The following DOCK3 variants were observed in gnomAD, a reference collection of about 807,000 sequenced individuals.
DOCK3 encodes the protein dedicator of cytokinesis 3.
DOCK3 carries 60 observed loss-of-function variants against 265.6 expected under a neutral mutation model. The observed-to-expected ratio is 0.23, with a 90% CI of 0.18 to 0.28. The LOEUF (loss-of-function observed/expected upper bound fraction) is 0.28, where lower values mean the gene tolerates loss of function less well. Ranked by LOEUF, DOCK3 falls within the 10% of genes least tolerant of loss-of-function variation. The pLI, the probability that DOCK3 is intolerant of heterozygous loss-of-function variation, is 1.00. For synonymous variants in DOCK3, 881 were observed against 938.0 expected (o/e 0.94, Z 1.11); for missense variants, 1,981 against 2,594.3 (o/e 0.76, Z 5.14).
chr3:51,205,195 GT>G (rs2089111553), intron 12 of DOCK3, among the ~76,000 whole-genome samples: 1 of 150,626 alleles, frequency 6.6e-6, no homozygotes, highest in Non-Finnish European at 1.5e-5. Context: ...AATAAATACA[GT>G]GAAAAAAAAA....
intron 5 of DOCK3, among the ~76,000 whole-genome samples, chr3:50,993,883 G>T (rs2078192414): frequency 6.6e-6 from 1 of 152,114 alleles, no homozygotes; most frequent in Non-Finnish European, 1.5e-5. Context: ...ACTATTGTTG[G>T]TCAGGCCCTG....
At chr3:50,820,194 C>T (rs2044325345) in intron 2 of DOCK3, among the ~76,000 whole-genome samples, 1 of 152,160 alleles carries the variant, frequency 6.6e-6, no homozygotes, top group Non-Finnish European at 1.5e-5. Context: ...CCTTTATTTT[C>T]TTAATAAACT....
At chr3:50,743,579 G>A (rs1472124502) in intron 1 of DOCK3, among the ~76,000 whole-genome samples, 2 of 151,536 alleles carry the variant, frequency 1.3e-5, no homozygotes, top group Non-Finnish European at 2.9e-5. Context: ...AACCAACAAA[G>A]ATCAAAAGAG....
chr3:50,729,640 A>G (rs1317479704), intron 1 of DOCK3, among the ~76,000 whole-genome samples: 4 of 151,540 alleles, frequency 2.6e-5, no homozygotes, highest in Admixed American at 2.6e-4. Flanking sequence ...GGCTCAAGTG[A>G]TCTACTTCAG....
intron 12 of DOCK3, among the ~76,000 whole-genome samples, chr3:51,200,242 G>A (rs1370930658): frequency 6.6e-6 from 1 of 151,686 alleles, no homozygotes; most frequent in Non-Finnish European, 1.5e-5. Flanking sequence ...ACGAGCTACA[G>A]GAGGAAATTC....
rs1220383632 is a variant in DOCK3, at chr3:50,931,485, A to G, written c.219-2496A>G. ...CATTCTTAAGATGTGGTATATGGAA[A>G]TAACTTCAGAAATTTCAACTTATAA... On this transcript the variant is annotated intron_variant, in intron 4 of 52. Coordinates refer to ENST00000266037, the MANE Select transcript of DOCK3 (RefSeq NM_004947.5). 2.0e-5 allele frequency among the ~76,000 whole-genome samples: 3 copies of G among 152,240 alleles called. No individual in the cohort carries two copies. The East Asian group carries it at 5.8e-4, about 29-fold the overall frequency.
chr3:51,372,745 T>C (rs2087788138), intron 49 of DOCK3, among the ~76,000 whole-genome samples: 1 of 152,154 alleles, frequency 6.6e-6, no homozygotes, highest in Non-Finnish European at 1.5e-5. Context: ...CAGAGAGTAG[T>C]CCTGTCTAGA....
At chr3:50,937,276 T>TAAAAA (rs60209788) in intron 5 of DOCK3, among the ~76,000 whole-genome samples, 2 of 110,720 alleles carry the variant, frequency 1.8e-5, no homozygotes, top group Non-Finnish European at 3.6e-5. Flanking sequence ...AAACTCCATC[T>TAAAAA]AAAAAAAAAA....
At chr3:50,677,700 C>T (rs1000347912) in intron 1 of DOCK3, among the ~76,000 whole-genome samples, 1 of 152,192 alleles carries the variant, frequency 6.6e-6, no homozygotes, top group African/African-American at 2.4e-5. Flanking sequence ...AAGGAGTCCC[C>T]TGTTGCAGCA....
Position 50,753,281 on chromosome 3 carries a change from A to T in DOCK3, c.38-25394A>T, listed in dbSNP as rs1022006956. On this transcript the variant is annotated intron_variant, in intron 1 of 52. Coordinates refer to ENST00000266037, the MANE Select transcript of DOCK3 (RefSeq NM_004947.5). ...TCTGTAATGAGATTTTATGTATTTT[A>T]TCTGTAGAAATACCTTTTCGTATAA... Among the ~76,000 whole-genome samples the T allele has an allele frequency of 7.2e-5, 11 of 152,302 alleles. No homozygotes were observed. The Middle Eastern group carries it at 0.01, about 141-fold the overall frequency.
At chr3:51,308,688 C>T (rs535497149) in intron 27 of DOCK3, among the ~76,000 whole-genome samples, 1 of 152,318 alleles carries the variant, frequency 6.6e-6, no homozygotes. Flanking sequence ...TTCTATTCCA[C>T]AAAACCGCCA....
chr3:51,025,304 G>A (rs1575806852), intron 5 of DOCK3, among the ~76,000 whole-genome samples: 1 of 152,208 alleles, frequency 6.6e-6, no homozygotes, highest in East Asian at 1.9e-4. Flanking sequence ...TTTCACAGGG[G>A]AGTATAACTG....
intron 9 of DOCK3, among the ~76,000 whole-genome samples, chr3:51,111,006 A>C (rs1455053582): frequency 6.6e-6 from 1 of 152,242 alleles, no homozygotes; most frequent in East Asian, 1.9e-4. Context: ...ATCAGTGTAC[A>C]AAAATCACTA....
At chr3:51,054,606 A>G (rs1250013736) in intron 5 of DOCK3, among the ~76,000 whole-genome samples, 1 of 152,142 alleles carries the variant, frequency 6.6e-6, no homozygotes, top group Middle Eastern at 3.2e-3. Flanking sequence ...TTAGAGTTGG[A>G]CATCTTCAAA....
intron 49 of DOCK3, among the ~76,000 whole-genome samples, chr3:51,366,744 G>T (rs1336445606): frequency 2.6e-5 from 4 of 152,138 alleles, no homozygotes; most frequent in African/African-American, 9.7e-5. Context: ...ATTTCGTTAT[G>T]TACCCAGTAG....
chr3:50,757,163 C>CTTTTTT (rs34435343), intron 1 of DOCK3, among the ~76,000 whole-genome samples: 17 of 81,620 alleles, frequency 2.1e-4, no homozygotes, highest in South Asian at 6.5e-4. Context: ...AGATTGTCGT[C>CTTTTTT]TTTTTTTTTT....
At chr3:50,890,748 A>G (rs1039399866) in intron 4 of DOCK3, among the ~76,000 whole-genome samples, 9 of 152,136 alleles carry the variant, frequency 5.9e-5, no homozygotes, top group Admixed American at 5.2e-4. Context: ...TAGAAATACT[A>G]TTCTTGACTG....
chr3:51,076,966 C>G (rs952074749), intron 7 of DOCK3, among the ~76,000 whole-genome samples: 5 of 152,038 alleles, frequency 3.3e-5, no homozygotes, highest in African/African-American at 7.2e-5. Flanking sequence ...TTGTATTTCT[C>G]AAATTAGAGT....
intron 12 of DOCK3, among the ~76,000 whole-genome samples, chr3:51,195,050 C>T (rs1162388634): frequency 1.3e-5 from 2 of 152,040 alleles, no homozygotes; most frequent in Admixed American, 6.5e-5. Context: ...TGGTCTCGAT[C>T]TCTTGACCTC....
Sources: gnomAD v4.1 joint callset for allele counts (sites outside exome capture counted in the v4.1 genomes callset) on GRCh38, gnomAD v4.1.1 for gene constraint, MANE v1.5 for transcripts, NCBI Gene and HGNC (gene_info 2026-07-23, HGNC 2026-07-21) for gene names.